The following UGT1A10 variants were observed in gnomAD, a reference collection of about 807,000 sequenced individuals.
The protein encoded by UGT1A10 is UDP glucuronosyltransferase family 1 member A10, also known as UDP-glucuronosyltransferase 1A10.
A neutral mutation model predicts 45.8 loss-of-function variants in UGT1A10; 49 were observed. The observed-to-expected ratio is 1.07, with a 90% confidence interval of 0.85 to 1.36. The LOEUF (loss-of-function observed/expected upper bound fraction) is 1.36. Among genes scored for constraint, UGT1A10 ranks in the 40% most tolerant of loss-of-function variants. The pLI, the probability that UGT1A10 is intolerant of heterozygous loss-of-function variation, is 0.00. For missense variants in UGT1A10, 745 were observed against 668.6 expected (o/e 1.11, Z -1.26); for synonymous variants, 284 against 249.7 (o/e 1.14, Z -1.29).
chr2:233,741,547 T>G (rs4663963), intron 1 of UGT1A10: 82,548 of 151,614 alleles, frequency 0.54, 24,567 homozygotes, highest in African/African-American at 0.79. Flanking sequence ...GATACTTCTT[T>G]TATGGTTATT....
At chr2:233,733,123 G>A (rs1024576772) in intron 1 of UGT1A10, among the ~76,000 whole-genome samples, 1 of 152,178 alleles carries the variant, frequency 6.6e-6, no homozygotes. Context: ...TGTTATTGGT[G>A]TATAGGAATG....
chr2:233,729,175 C>T (rs2077809820), intron 1 of UGT1A10: 1 of 1,613,710 alleles, frequency 6.2e-7, no homozygotes, highest in African/African-American at 1.3e-5. Context: ...CACAGGACTG[C>T]TGCTTCTCCT....
chr2:233,680,229 CA>C (rs1334647558), intron 1 of UGT1A10, among the ~76,000 whole-genome samples: 1 of 152,026 alleles, frequency 6.6e-6, no homozygotes, highest in Non-Finnish European at 1.5e-5. Context: ...TGGTGGTATT[CA>C]AGGTTTAAAA....
At chr2:233,743,998 C>T (rs1199821485) in intron 1 of UGT1A10, 12 of 1,233,642 alleles carry the variant, frequency 9.7e-6, no homozygotes, top group African/African-American at 6.3e-5. Flanking sequence ...CCCGAGTGCT[C>T]GGAGACCTGG....
chr2:233,730,223 A>G (rs144120008), intron 1 of UGT1A10, among the ~76,000 whole-genome samples: 2 of 152,266 alleles, frequency 1.3e-5, no homozygotes, highest in Non-Finnish European at 2.9e-5. Flanking sequence ...AATGTTTGTA[A>G]AAGGATGGAC....
intron 1 of UGT1A10, among the ~76,000 whole-genome samples, chr2:233,750,429 T>C (rs1273290769): frequency 6.6e-6 from 1 of 151,918 alleles, no homozygotes; most frequent in Non-Finnish European, 1.5e-5. Flanking sequence ...GAAAAACCCA[T>C]TTTATGGGGA....
At chr2:233,741,094 A>G (rs1452297102) in intron 1 of UGT1A10, among the ~76,000 whole-genome samples, 2 of 151,824 alleles carry the variant, frequency 1.3e-5, no homozygotes, top group Non-Finnish European at 2.9e-5. Flanking sequence ...CAAACAAGCA[A>G]ACAGACAATC....
intron 1 of UGT1A10, chr2:233,682,294 A>G (rs747717914): frequency 1.2e-6 from 2 of 1,614,104 alleles, no homozygotes; most frequent in Non-Finnish European, 1.7e-6. Context: ...TTTTTGACTT[A>G]TTTTTTTCAA....
chr2:233,741,489 A>G (rs1390991788), intron 1 of UGT1A10: 2 of 151,928 alleles, frequency 1.3e-5, no homozygotes, highest in African/African-American at 4.9e-5. Flanking sequence ...TCTGATGTAC[A>G]AAAAACTGAA....
At chr2:233,651,576 T>G (rs1301040873) in intron 1 of UGT1A10, among the ~76,000 whole-genome samples, 1 of 152,212 alleles carries the variant, frequency 6.6e-6, no homozygotes, top group Admixed American at 6.5e-5. Flanking sequence ...GAGTGCCCTT[T>G]GACAAAGAGC....
chr2:233,700,628 T>G (rs1178999568), intron 1 of UGT1A10, among the ~76,000 whole-genome samples: 1 of 152,192 alleles, frequency 6.6e-6, no homozygotes, highest in African/African-American at 2.4e-5. Flanking sequence ...TCCAGTAAGA[T>G]TTAATGACTT....
At position 233,768,454 on chromosome 2, in the gene UGT1A10, A is replaced by C; in HGVS notation, c.1295+15A>C. The stretch of plus-strand genomic sequence containing the variant: ...AATGACAAAAGGTAAGAAAGAAGAT[A>C]CAGAAGAATACTTTGGTCATGGCAT... On this transcript the variant is annotated intron_variant, in intron 4 of 4. Coordinates refer to ENST00000344644, the MANE Select transcript of UGT1A10 (RefSeq NM_019075.4). The C allele has an allele frequency of 6.2e-7, 1 of 1,610,684 alleles. No individual in the cohort carries two copies.
At chr2:233,677,677 A>G (rs1343811731) in intron 1 of UGT1A10, among the ~76,000 whole-genome samples, 1 of 152,156 alleles carries the variant, frequency 6.6e-6, no homozygotes, top group Non-Finnish European at 1.5e-5. Flanking sequence ...TCAAGAAATA[A>G]TAGATGCTGG....
chr2:233,662,459 A>G (rs1430445543), intron 1 of UGT1A10, among the ~76,000 whole-genome samples: 3 of 152,242 alleles, frequency 2.0e-5, no homozygotes, highest in African/African-American at 7.2e-5. Context: ...GTAACCATTT[A>G]TATAAATGAA....
At chr2:233,659,571 A>G (rs1283148786) in intron 1 of UGT1A10, among the ~76,000 whole-genome samples, 2 of 152,258 alleles carry the variant, frequency 1.3e-5, no homozygotes, top group East Asian at 3.9e-4. Context: ...CTGAGGAGGA[A>G]GAGGAGGGGT....
intron 1 of UGT1A10, among the ~76,000 whole-genome samples, chr2:233,696,367 C>T (rs2075340033): frequency 1.3e-5 from 2 of 151,946 alleles, no homozygotes; most frequent in Admixed American, 1.3e-4. Flanking sequence ...AAATTTATTC[C>T]TAGGTATTAT....
At chr2:233,772,049 G>A (rs371064452) in intron 4 of UGT1A10, among the ~76,000 whole-genome samples, 4 of 152,178 alleles carry the variant, frequency 2.6e-5, no homozygotes, top group African/African-American at 9.7e-5. Context: ...GGAGTTGGAG[G>A]CTGCAGTTAG....
At chr2:233,657,034 A>G (rs1299217120) in intron 1 of UGT1A10, among the ~76,000 whole-genome samples, 1 of 151,770 alleles carries the variant, frequency 6.6e-6, no homozygotes, top group Non-Finnish European at 1.5e-5. Flanking sequence ...CCCTGGTGTC[A>G]GTTACTGCTG....
chr2:233,756,867 A>G (rs1696345669), intron 1 of UGT1A10, among the ~76,000 whole-genome samples: 1 of 152,076 alleles, frequency 6.6e-6, no homozygotes, highest in African/African-American at 2.4e-5. Flanking sequence ...CATAAAGGGT[A>G]TTAGGTGTAA....
Sources: allele counts gnomAD v4.1 joint callset (sites outside exome capture counted in the v4.1 genomes callset), GRCh38; gene constraint gnomAD v4.1.1; transcripts MANE v1.5; gene names NCBI Gene and HGNC (gene_info 2026-07-23, HGNC 2026-07-21).